The following NDUFA7 variants were observed in gnomAD, a reference collection of about 807,000 sequenced individuals.
The protein encoded by NDUFA7 is NADH:ubiquinone oxidoreductase subunit A7, also known as NADH dehydrogenase [ubiquinone] 1 alpha subcomplex subunit 7.
In NDUFA7, 18 loss-of-function variants were observed where a neutral mutation model predicts 14.2. The ratio of observed to expected loss-of-function variants is 1.27; its 90% confidence interval spans 0.88 to 1.88. The LOEUF (loss-of-function observed/expected upper bound fraction) is 1.88, where lower values mean the gene tolerates loss of function less well. NDUFA7 is among the 40% of genes most tolerant of loss of function. The pLI, the probability that NDUFA7 is intolerant of heterozygous loss-of-function variation, is 0.00. For missense variants in NDUFA7, 172 were observed against 147.3 expected (o/e 1.17, Z -0.87); for synonymous variants, 75 against 62.1 (o/e 1.21, Z -0.98).
chr19:8,317,921 C>A (rs2145397395), intron 2 of NDUFA7, among the ~76,000 whole-genome samples: 1 of 152,294 alleles, frequency 6.6e-6, no homozygotes, highest in Non-Finnish European at 1.5e-5. Context: ...TATCCTCTCA[C>A]CTTGGCCTCC....
chr19:8,314,682 C>T (rs773380179), intron 3 of NDUFA7, among the ~76,000 whole-genome samples: 11 of 152,116 alleles, frequency 7.2e-5, no homozygotes, highest in Admixed American at 3.3e-4. Context: ...GGGAGGCCAA[C>T]GCGGGCAGAT....
At chr19:8,313,355 C>T (rs1183989829) in intron 3 of NDUFA7, among the ~76,000 whole-genome samples, 4 of 152,072 alleles carry the variant, frequency 2.6e-5, no homozygotes, top group East Asian at 1.9e-4. Context: ...CTCAGCCTCC[C>T]GAATAGCTGG....
chr19:8,313,712 TG>T (rs1490126354), intron 3 of NDUFA7, among the ~76,000 whole-genome samples: 1 of 152,220 alleles, frequency 6.6e-6, no homozygotes, highest in Non-Finnish European at 1.5e-5. Flanking sequence ...CCAGGAAAAC[TG>T]GTTTGAAATC....
chr19:8,321,086 G>A (rs1970301420), intron 1 of NDUFA7, 180 bp from the exon 2 acceptor site: 1 of 864,556 alleles, frequency 1.2e-6, no homozygotes, highest in South Asian at 1.7e-5. Context: ...CGGGCCCACA[G>A]ATCCAAGGCT....
chr19:8,318,094 G>T (rs570052096), intron 2 of NDUFA7, among the ~76,000 whole-genome samples: 3 of 152,116 alleles, frequency 2.0e-5, no homozygotes, highest in Non-Finnish European at 2.9e-5. Context: ...GCTGGATGTG[G>T]TGGCTCATAC....
chr19:8,309,637 C>A (rs1970151389), downstream of NDUFA7, among the ~76,000 whole-genome samples: 1 of 152,144 alleles, frequency 6.6e-6, no homozygotes, highest in Admixed American at 6.5e-5. Flanking sequence ...CAAGCAGAAT[C>A]CCACCTTCTC....
intron 2 of NDUFA7, among the ~76,000 whole-genome samples, chr19:8,320,056 GTGTTGGCCAGGCTGGTC>G (rs1970283640): frequency 6.6e-6 from 1 of 152,066 alleles, no homozygotes; most frequent in Non-Finnish European, 1.5e-5. Context: ...GTGTTTCACT[GTGTTGGCCAGGCTGGTC>G]TCAAACTCCT....
downstream of NDUFA7, among the ~76,000 whole-genome samples, chr19:8,311,009 C>CT (rs990913941): frequency 7.9e-5 from 12 of 152,168 alleles, no homozygotes; most frequent in African/African-American, 2.9e-4. Context: ...CGCGAAAACT[C>CT]TGGCTCCTGC....
At chr19:8,308,844 GTAAA>G (rs1265358645), downstream of NDUFA7, 2 of 152,200 alleles carry the variant, frequency 1.3e-5, no homozygotes, top group African/African-American at 2.4e-5. Flanking sequence ...CATTTGGTGA[GTAAA>G]TGAATAAATG....
rs545762922 is a variant in NDUFA7 at position 8,320,215 on chromosome 19, T to C, written c.101+642A>G. 2.6e-5 allele frequency among the ~76,000 whole-genome samples: 4 copies of C among 152,314 alleles called. No individual in the cohort carries two copies. In the South Asian group the frequency reaches 8.3e-4, roughly 32 times the overall value. The stretch of plus-strand genomic sequence containing the variant: ...CTTCCCATCATTCAGGGGACTCAAC[T>C]GTCAATTTCCAAAGAAAGATCTTTC... On this transcript the variant is annotated intron_variant, in intron 2 of 3. Transcript: ENST00000301457.
chr19:8,317,689 C>G (rs1366279963), intron 2 of NDUFA7, among the ~76,000 whole-genome samples: 1 of 152,098 alleles, frequency 6.6e-6, no homozygotes, highest in East Asian at 1.9e-4. Context: ...GCACTGCAGC[C>G]TGGATGATAT....
intron 3 of NDUFA7, among the ~76,000 whole-genome samples, chr19:8,312,825 C>T (rs187051120): frequency 3.3e-5 from 5 of 152,024 alleles, no homozygotes; most frequent in African/African-American, 4.8e-5. Context: ...CCACCACACC[C>T]GGCTAATTTT....
At chr19:8,321,019 G>T (rs574854461) in intron 1 of NDUFA7, 113 bp from the exon 2 acceptor site, 2 of 1,240,960 alleles carry the variant, frequency 1.6e-6, no homozygotes, top group African/African-American at 3.0e-5. Context: ...GAAGGCAGGG[G>T]ATGAACACTC....
chr19:8,313,700 G>C (rs964546255), intron 3 of NDUFA7, among the ~76,000 whole-genome samples: 1 of 152,238 alleles, frequency 6.6e-6, no homozygotes, highest in African/African-American at 2.4e-5. Flanking sequence ...CCCAACAGGA[G>C]TCCAGGAAAA....
rs757723027 is a variant in NDUFA7, at chr19:8,316,653, G to C, written c.102-8C>G. 1 of 1,612,554 alleles carries C rather than the reference G, an allele frequency of 6.2e-7. No homozygotes were observed. Among genetic ancestry groups the C allele is most frequent in the Non-Finnish European group, 8.5e-7 (1 of 1,179,388 alleles). On this transcript the variant is annotated splice_polypyrimidine_tract_variant and splice_region_variant and intron_variant, in intron 2 of 3. Transcript: ENST00000301457. Reference sequence around the variant, plus strand: ...TTGGGAGGAGGCTGAGTTCTGAGGGGAAAAAAGATGAGCACTGAAGCAAAG... The same window carrying C: ...TTGGGAGGAGGCTGAGTTCTGAGGGCAAAAAAGATGAGCACTGAAGCAAAG...
rs1378587105 is a variant in NDUFA7, at chr19:8,316,087, T to G, written c.251+409A>C. Among the ~76,000 whole-genome samples, 3 of 138,682 alleles carry G rather than the reference T, an allele frequency of 2.2e-5. No homozygotes were observed. The Admixed American group carries it at 2.3e-4, about 11-fold the overall frequency. The allele number at this position is 138,682 out of a possible 152,430, so 91.0% of individuals were successfully genotyped here. A position where few individuals can be genotyped will look rare whatever the true frequency, so the allele number is the denominator to read the frequency against. On this transcript the variant is annotated intron_variant, in intron 3 of 3. Coordinates refer to ENST00000301457, the MANE Select transcript of NDUFA7 (RefSeq NM_005001.5). ...TCGCTTGAACCCGGGAGGTGGAGATTGCAGTGAGCCGAGATCACACCACTG... is the reference window on the plus strand; with the variant it reads ...TCGCTTGAACCCGGGAGGTGGAGATGGCAGTGAGCCGAGATCACACCACTG...
intron 2 of NDUFA7, among the ~76,000 whole-genome samples, chr19:8,317,777 C>T (rs753753475): frequency 6.6e-6 from 1 of 152,134 alleles, no homozygotes; most frequent in Non-Finnish European, 1.5e-5. Flanking sequence ...AATGCTCCCG[C>T]CTCAGCCTCT....
chr19:8,312,036 T>G (rs1328545968), intron 3 of NDUFA7, among the ~76,000 whole-genome samples: 1 of 152,180 alleles, frequency 6.6e-6, no homozygotes. Flanking sequence ...GGCGCTACTG[T>G]GTGGGCGCAG....
At chr19:8,320,048 G>T (rs1489544673) in intron 2 of NDUFA7, among the ~76,000 whole-genome samples, 2 of 152,018 alleles carry the variant, frequency 1.3e-5, no homozygotes, top group Non-Finnish European at 2.9e-5. Flanking sequence ...GTTTTACTGT[G>T]TTTCACTGTG....
Sources: gnomAD v4.1 joint callset for allele counts (sites outside exome capture counted in the v4.1 genomes callset) on GRCh38, gnomAD v4.1.1 for gene constraint, MANE v1.5 for transcripts, NCBI Gene and HGNC (gene_info 2026-07-23, HGNC 2026-07-21) for gene names.